Variants in TTLL9 observed in about 807,000 individuals in gnomAD.
TTLL9 encodes the protein probable tubulin polyglutamylase TTLL9.
TTLL9 carries 47 observed loss-of-function variants against 65.6 expected under a neutral mutation model. The ratio of observed to expected loss-of-function variants is 0.72; its 90% CI spans 0.57 to 0.91. The LOEUF is 0.91. Among genes scored for constraint, TTLL9 ranks in the 40% least tolerant of loss-of-function variants. The pLI, the probability that TTLL9 is intolerant of heterozygous loss-of-function variation, is 0.00. For missense variants in TTLL9, 537 were observed against 568.8 expected, an observed-to-expected ratio of 0.94 and a Z score of 0.57; for synonymous variants, 179 against 204.8, an observed-to-expected ratio of 0.87 and a Z score of 1.07.
rs998988007 is a variant in TTLL9, at chr20:31,928,024, C to T, written c.748+1933C>T. ...CAAGCATTTATCATATGCAAGTCAT[C>T]GAGTTTAGTTTAATTGCCACCTACT... On this transcript the variant is annotated intron_variant, in intron 10 of 14. Transcript: ENST00000535842. Among the ~76,000 whole-genome samples the T allele has an allele frequency of 2.0e-4, 30 of 150,778 alleles. 1 individual carries two copies. Among genetic ancestry groups the T allele is most frequent in the African/African-American group, 7.3e-4 (30 of 41,136 alleles).
intron 6 of TTLL9, among the ~76,000 whole-genome samples, chr20:31,910,156 G>C (rs2063625494): frequency 6.6e-6 from 1 of 152,198 alleles, no homozygotes; most frequent in Non-Finnish European, 1.5e-5. Context: ...AGGACGCCAG[G>C]GCAGGGAATT....
rs1462978929 is a variant in TTLL9 at position 31,944,730 on chromosome 20, CG to C, written c.*1710del. 2.0e-5 allele frequency: 3 copies of C among 152,208 alleles called. No homozygotes were observed. Among genetic ancestry groups the C allele is most frequent in the Admixed American group, 6.5e-5 (1 of 15,278 alleles). The allele number at this position is 152,208 out of a possible 1,614,324, so 9.4% of individuals were successfully genotyped here. ...ATATGTCTAGCTTCTCTTGAAAACA[CG>C]TAAGAACTGGCCATGACAGCCTGTG... On this transcript the variant is annotated 3_prime_UTR_variant, in exon 15 of 15. Coordinates refer to ENST00000535842, the MANE Select transcript of TTLL9 (RefSeq NM_001008409.5).
At chr20:31,898,410 C>A in intron 3 of TTLL9, 63 bp from the exon 4 acceptor site, 1 of 1,449,064 alleles carries the variant, frequency 6.9e-7, no homozygotes, top group African/African-American at 1.4e-5. Context: ...CTTTTTTCCT[C>A]TCCTTGCGCC....
chr20:31,871,481 G>A (rs116225554), intron 2 of TTLL9, among the ~76,000 whole-genome samples: 263 of 152,330 alleles, frequency 1.7e-3, no homozygotes, highest in African/African-American at 6.1e-3. Context: ...AATAGAAGCA[G>A]CTGCACCAGC....
chr20:31,930,092 C>T (rs2063981233), intron 10 of TTLL9, among the ~76,000 whole-genome samples: 1 of 152,084 alleles, frequency 6.6e-6, no homozygotes, highest in Non-Finnish European at 1.5e-5. Flanking sequence ...TGTGCCACTG[C>T]ACTCCAGCCT....
chr20:31,924,952 C>T, intron 8 of TTLL9, 57 bp from the exon 9 acceptor site: 6 of 1,598,086 alleles, frequency 3.8e-6, no homozygotes, highest in South Asian at 1.1e-5. Context: ...CAAAACCTAG[C>T]ACAATGTCTG....
rs1361997456 is a variant in TTLL9, at chr20:31,944,499, G to A, written c.*1478G>A. ...GGTGCTGTTCTGAGGGAATCACACT[G>A]TGCTTGCACAAAAATTATTAGCTTA... On this transcript the variant is annotated 3_prime_UTR_variant, in exon 15 of 15. Transcript: ENST00000535842. 6.6e-6 allele frequency: 1 copy of A among 152,412 alleles called. No individual in the cohort carries two copies. The highest frequency in any genetic ancestry group is 1.5e-5 in the Non-Finnish European group (1 of 68,190). The allele number at this position is 152,412 out of a possible 1,614,324, so 9.4% of individuals were successfully genotyped here.
intron 3 of TTLL9, among the ~76,000 whole-genome samples, chr20:31,889,605 TA>T: frequency 6.6e-6 from 1 of 152,210 alleles, no homozygotes; most frequent in African/African-American, 2.4e-5. Context: ...GTATTTTTAG[TA>T]GAGACGGAGT....
chr20:31,924,658 C>G (rs1568819503), intron 8 of TTLL9, among the ~76,000 whole-genome samples: 1 of 152,038 alleles, frequency 6.6e-6, no homozygotes, highest in Admixed American at 6.6e-5. Flanking sequence ...GATCATAGCT[C>G]ATGCAGCCTC....
At chr20:31,907,751 G>A (rs993655965) in intron 4 of TTLL9, among the ~76,000 whole-genome samples, 2 of 151,752 alleles carry the variant, frequency 1.3e-5, no homozygotes, top group Non-Finnish European at 2.9e-5. Flanking sequence ...CCACTGCATA[G>A]AAATGATAAC....
chr20:31,915,653 C>T (rs2063723221), intron 6 of TTLL9, among the ~76,000 whole-genome samples: 1 of 152,134 alleles, frequency 6.6e-6, no homozygotes. Flanking sequence ...GATTTGTCAC[C>T]TGTTGGCTGG....
chr20:31,922,506 C>T (rs2123565983), intron 7 of TTLL9, among the ~76,000 whole-genome samples: 1 of 152,308 alleles, frequency 6.6e-6, no homozygotes, highest in Non-Finnish European at 1.5e-5. Flanking sequence ...TCTCTATGAA[C>T]TTGACTACTC....
chr20:31,898,211 A>G (rs1261368597), intron 3 of TTLL9, among the ~76,000 whole-genome samples: 1 of 152,220 alleles, frequency 6.6e-6, no homozygotes, highest in African/African-American at 2.4e-5. Flanking sequence ...AGGATTAGTC[A>G]TAGCACATGG....
At chr20:31,941,220 GA>G in intron 14 of TTLL9, 1 of 60,500 alleles carries the variant, frequency 1.7e-5, no homozygotes, top group Non-Finnish European at 2.7e-5. Flanking sequence ...GTCTCACACA[GA>G]AAAAGAAAAA....
intron 6 of TTLL9, among the ~76,000 whole-genome samples, chr20:31,913,636 C>G (rs2063689066): frequency 6.6e-6 from 1 of 152,160 alleles, no homozygotes; most frequent in African/African-American, 2.4e-5. Context: ...CAGAGCAGCC[C>G]AGGACTCAGA....
intron 3 of TTLL9, among the ~76,000 whole-genome samples, chr20:31,890,026 CTT>C (rs2063270990): frequency 2.1e-5 from 3 of 143,264 alleles, no homozygotes; most frequent in African/African-American, 8.0e-5. Context: ...TTCTTTCTTT[CTT>C]TCTTTCCTTC....
chr20:31,933,723 G>T (rs1189132519), intron 10 of TTLL9, 77 bp from the exon 11 acceptor site: 3 of 1,399,666 alleles, frequency 2.1e-6, no homozygotes, highest in Admixed American at 1.9e-5. Flanking sequence ...TCAATTCTCA[G>T]TTCAGTCCTG....
intron 2 of TTLL9, among the ~76,000 whole-genome samples, chr20:31,884,483 T>G (rs938460622): frequency 2.6e-5 from 4 of 152,178 alleles, no homozygotes; most frequent in Non-Finnish European, 4.4e-5. Flanking sequence ...TGCTTCGGCC[T>G]CCCAAAGTGC....
In TTLL9 at chr20:31,898,539, C is replaced by T. The variant is rs1218784775; in HGVS notation, c.180C>T (p.His60=). Reference sequence around the variant, plus strand: ...ACACACTCATGGACGTCCTTCGCCACAGGCCAGGATGGGTGGAAGTGAAGG... The same window carrying T: ...ACACACTCATGGACGTCCTTCGCCATAGGCCAGGATGGGTGGAAGTGAAGG... The part of the protein sequence containing the change: ...LMNTLMDVLR[H]RPGWVEVKDE... Residue 60 remains histidine (H), a synonymous_variant, in exon 4 of 15, where the codon CAC becomes CAT. Coordinates refer to ENST00000535842, the MANE Select transcript of TTLL9 (RefSeq NM_001008409.5). 7 of 1,614,092 alleles carry T rather than the reference C, an allele frequency of 4.3e-6. No homozygotes were observed. Among genetic ancestry groups the T allele is most frequent in the Non-Finnish European group, 5.9e-6 (7 of 1,180,044 alleles).
Sources: gnomAD v4.1 joint callset for allele counts (sites outside exome capture counted in the v4.1 genomes callset) on GRCh38, gnomAD v4.1.1 for gene constraint, MANE v1.5 for transcripts, NCBI Gene and HGNC (gene_info 2026-07-23, HGNC 2026-07-21) for gene names.